HDAC8: variants seen among roughly 807,000 people sequenced by gnomAD.
The protein encoded by HDAC8 is histone deacetylase 8.
Under a neutral mutation model 32.2 loss-of-function variants are expected in HDAC8, and 1 was observed. The ratio of observed to expected loss-of-function variants is 0.03; its 90% CI spans 0.01 to 0.15. The LOEUF (loss-of-function observed/expected upper bound fraction) is 0.15. HDAC8 is among the 10% of genes least tolerant of loss of function. The pLI is 1.00. For synonymous variants in HDAC8, 108 were observed against 113.9 expected (o/e 0.95, Z 0.33); for missense variants, 117 against 300.0 (o/e 0.39, Z 4.51).
chrX:72,471,925 T>G (rs2048188350), intron 7 of HDAC8, among the ~76,000 whole-genome samples: 1 of 111,943 alleles, frequency 8.9e-6, no homozygotes, highest in Admixed American at 9.4e-5. Flanking sequence ...ACTTCCTATT[T>G]CAACATCATG....
intron 4 of HDAC8, among the ~76,000 whole-genome samples, chrX:72,545,008 T>G (rs1687036433): frequency 9.0e-6 from 1 of 111,176 alleles, no homozygotes; most frequent in Non-Finnish European, 1.9e-5. Flanking sequence ...TTAGGGGCGG[T>G]CGCTCTGTCT....
chrX:72,555,934 T>C (rs1213981160), intron 4 of HDAC8, among the ~76,000 whole-genome samples: 1 of 112,233 alleles, frequency 8.9e-6, no homozygotes, highest in Non-Finnish European at 1.9e-5. Flanking sequence ...AAAATGATCA[T>C]CACCTAGGCA....
intron 4 of HDAC8, among the ~76,000 whole-genome samples, chrX:72,530,526 T>G (rs2050303706): frequency 9.1e-6 from 1 of 109,384 alleles, no homozygotes; most frequent in East Asian, 2.9e-4. Context: ...CAGAAACCAT[T>G]ATGTATATAT....
chrX:72,387,623 T>G (rs1689678596), intron 9 of HDAC8, among the ~76,000 whole-genome samples: 1 of 111,816 alleles, frequency 8.9e-6, no homozygotes, highest in Admixed American at 9.5e-5. Flanking sequence ...GGGCAAGCCA[T>G]CTATGAAATG....
intron 3 of HDAC8, among the ~76,000 whole-genome samples, chrX:72,568,459 T>G (rs1164093287): frequency 8.9e-6 from 1 of 112,343 alleles, no homozygotes; most frequent in Admixed American, 9.4e-5. Context: ...AAATCTGTAC[T>G]CCAGTTAAAA....
chrX:72,395,881 T>A (rs112477932), intron 9 of HDAC8, among the ~76,000 whole-genome samples: 346 of 112,232 alleles, frequency 3.1e-3, no homozygotes, highest in Non-Finnish European at 5.5e-3. Context: ...TTTCAAAGGC[T>A]CTGAACAATA....
intron 4 of HDAC8, among the ~76,000 whole-genome samples, chrX:72,531,768 G>A (rs1278525017): frequency 3.6e-5 from 4 of 112,056 alleles, no homozygotes; most frequent in African/African-American, 1.3e-4. Context: ...AATGTTTCAA[G>A]ATTCATCCAT....
chrX:72,418,316 A>T (rs911927934), intron 9 of HDAC8, among the ~76,000 whole-genome samples: 2 of 111,633 alleles, frequency 1.8e-5, no homozygotes. Context: ...CTATGCATCT[A>T]TAAGGAACTT....
At chrX:72,508,199 C>A (rs1253326974) in intron 4 of HDAC8, among the ~76,000 whole-genome samples, 1 of 112,139 alleles carries the variant, frequency 8.9e-6, no homozygotes, top group East Asian at 2.8e-4. Context: ...TATTAGCATA[C>A]CTCTTACAAT....
At chrX:72,509,540 T>C (rs1556020885) in intron 4 of HDAC8, among the ~76,000 whole-genome samples, 2 of 112,169 alleles carry the variant, frequency 1.8e-5, no homozygotes, top group African/African-American at 6.5e-5. Context: ...AAGTGGATTA[T>C]TATTCCGCCT....
At chrX:72,421,265 G>A (rs1175490149) in intron 9 of HDAC8, among the ~76,000 whole-genome samples, 1 of 111,031 alleles carries the variant, frequency 9.0e-6, no homozygotes, top group Non-Finnish European at 1.9e-5. Flanking sequence ...TGTACATGTG[G>A]AGGTTTGTTA....
In HDAC8 at chrX:72,461,456, C is replaced by T. The variant is rs147575650; in HGVS notation, c.1005+548G>A. ...AAGAAAATGGCAAGGGCTCAAATGA[C>T]GTTTCACATTTTGGATGGTCCTATT... On this transcript the variant is annotated intron_variant, in intron 9 of 10. Transcript: ENST00000373573. Among the ~76,000 whole-genome samples the T allele has an allele frequency of 4.5e-3, 506 of 111,850 alleles. 3 individuals carry two copies. The highest frequency in any genetic ancestry group is 0.015 in the African/African-American group (456 of 30,818).
intron 10 of HDAC8, among the ~76,000 whole-genome samples, chrX:72,340,699 G>A (rs1350793695): frequency 8.9e-6 from 1 of 111,753 alleles, no homozygotes; most frequent in African/African-American, 3.3e-5. Context: ...AGGACAAATT[G>A]CCTGGCAGGC....
intron 4 of HDAC8, among the ~76,000 whole-genome samples, chrX:72,535,986 C>G (rs1366737547): frequency 1.8e-5 from 2 of 111,964 alleles, no homozygotes; most frequent in African/African-American, 6.5e-5. Flanking sequence ...GAAACATGAG[C>G]TTACAAGTCC....
At chrX:72,522,849 G>A (rs782024714) in intron 4 of HDAC8, among the ~76,000 whole-genome samples, 4 of 112,131 alleles carry the variant, frequency 3.6e-5, no homozygotes, top group African/African-American at 1.3e-4. Context: ...CTATTTGCTA[G>A]GAAGCAAAGT....
At chrX:72,358,817 A>C (rs1280175259) in intron 9 of HDAC8, among the ~76,000 whole-genome samples, 1 of 111,903 alleles carries the variant, frequency 8.9e-6, no homozygotes, top group East Asian at 2.8e-4. Flanking sequence ...GTCCCACCTC[A>C]GATCATTAGG....
intron 9 of HDAC8, among the ~76,000 whole-genome samples, chrX:72,399,649 A>T (rs782578081): frequency 9.8e-5 from 11 of 111,956 alleles, no homozygotes; most frequent in Non-Finnish European, 1.9e-4. Context: ...CTAGTATCAG[A>T]TTCCTGGCTT....
chrX:72,523,978 G>A lies in HDAC8; in HGVS notation c.438-28710C>T, dbSNP rs148264507. ...ATACACATCAGGGGTAGGCAAACTAGCCCACAGGCCAAACCCAGCCTGTCA... is the reference window on the plus strand; with the variant it reads ...ATACACATCAGGGGTAGGCAAACTAACCCACAGGCCAAACCCAGCCTGTCA... On this transcript the variant is annotated intron_variant, in intron 4 of 10. Coordinates refer to ENST00000373573, the MANE Select transcript of HDAC8 (RefSeq NM_018486.3). Among the ~76,000 whole-genome samples the A allele has an allele frequency of 5.4e-3, 607 of 111,707 alleles. 2 individuals are homozygous for A. The highest frequency in any genetic ancestry group is 5.5e-3 in the Non-Finnish European group (290 of 53,113).
chrX:72,332,898 C>T (rs2043570059), intron 10 of HDAC8, among the ~76,000 whole-genome samples: 1 of 111,135 alleles, frequency 9.0e-6, no homozygotes, highest in Admixed American at 9.6e-5. Context: ...ATAATCCACC[C>T]GCCTCAGCCT....
Sources: allele counts gnomAD v4.1 joint callset (sites outside exome capture counted in the v4.1 genomes callset), GRCh38; gene constraint gnomAD v4.1.1; transcripts MANE v1.5; gene names NCBI Gene and HGNC (gene_info 2026-07-23, HGNC 2026-07-21).